COL22A1: variants seen among roughly 807,000 people sequenced by gnomAD.
COL22A1 encodes collagen type XXII alpha 1 chain, also known as collagen alpha-1(XXII) chain.
A neutral mutation model predicts 248.9 loss-of-function variants in COL22A1; 221 were observed. The observed-to-expected ratio is 0.89, with a 90% confidence interval of 0.80 to 0.99. The LOEUF is 0.99. COL22A1 is among the 50% of genes least tolerant of loss of function. The pLI, the probability that COL22A1 is intolerant of heterozygous loss-of-function variation, is 0.00. For missense variants in COL22A1, 2,240 were observed against 2,179.0 expected (o/e 1.03, Z -0.56); for synonymous variants, 891 against 793.4 (o/e 1.12, Z -2.07).
intron 42 of COL22A1, among the ~76,000 whole-genome samples, chr8:138,663,215 G>A (rs558982761): frequency 8.5e-5 from 13 of 152,172 alleles, no homozygotes; most frequent in Non-Finnish European, 1.6e-4. Context: ...ATGGATGGTT[G>A]CTGCTCCTAA....
Position 138,755,846 on chromosome 8 carries a change from A to AACATT in COL22A1, c.1903-22_1903-18dup. On this transcript the variant is annotated splice_polypyrimidine_tract_variant and intron_variant, in intron 18 of 64. Coordinates refer to ENST00000303045, the MANE Select transcript of COL22A1 (RefSeq NM_152888.3). ...CACGTCACCCTGCACAGAAACGACA[A>AACATT]ACATTTCAGCATAGTTACTGGTGCC... 6.2e-7 allele frequency: 1 copy of AACATT among 1,612,812 alleles called. No individual in the cohort carries two copies. Among genetic ancestry groups the AACATT allele is most frequent in the Non-Finnish European group, 8.5e-7 (1 of 1,178,884 alleles).
chr8:138,764,456 A>G (rs1464975110), intron 16 of COL22A1, among the ~76,000 whole-genome samples: 2 of 152,204 alleles, frequency 1.3e-5, no homozygotes, highest in African/African-American at 4.8e-5. Flanking sequence ...TGAATCACTG[A>G]CGCCTGCCTC....
intron 1 of COL22A1, among the ~76,000 whole-genome samples, chr8:138,894,490 A>G (rs1879046): frequency 0.18 from 27,139 of 152,152 alleles, 2,476 homozygotes; most frequent in Middle Eastern, 0.21. Context: ...CAGGGAGCCA[A>G]TCAGTGAGGG....
intron 3 of COL22A1, among the ~76,000 whole-genome samples, chr8:138,858,027 T>G (rs1822171356): frequency 6.6e-6 from 1 of 152,222 alleles, no homozygotes; most frequent in Admixed American, 6.5e-5. Context: ...TGATCAAACC[T>G]TTGACCCAAG....
intron 4 of COL22A1, among the ~76,000 whole-genome samples, chr8:138,843,403 T>C (rs1459786142): frequency 6.6e-6 from 1 of 152,118 alleles, no homozygotes; most frequent in Non-Finnish European, 1.5e-5. Context: ...CCCAGGGGCA[T>C]TGGCAAGAAG....
intron 12 of COL22A1, among the ~76,000 whole-genome samples, chr8:138,789,549 A>G (rs1815849564): frequency 6.6e-6 from 1 of 152,226 alleles, no homozygotes; most frequent in South Asian, 2.1e-4. Flanking sequence ...ACAAATGTAT[A>G]ATTTATATTT....
At chr8:138,786,869 A>T (rs1815574773) in intron 12 of COL22A1, among the ~76,000 whole-genome samples, 2 of 151,934 alleles carry the variant, frequency 1.3e-5, no homozygotes, top group African/African-American at 2.4e-5. Context: ...ATGCCACTGC[A>T]CTCCAGCCTG....
In COL22A1 at chr8:138,715,700, T is replaced by C. The variant is rs764702446; in HGVS notation, c.2499A>G (p.Lys833=). The change falls in exon 30 of 65, where the codon AAA becomes AAG. Residue 833 remains lysine (K), a synonymous_variant. Transcript: ENST00000303045. The part of the protein sequence containing the change: ...EKGELGLPGL[K]GDRGEKGEAG... ...CTCCTACCTTTTCACCTCGGTCACCTTTCAGTCCTGGAAGTCCCAGTTCAC... is the reference window on the plus strand; with the variant it reads ...CTCCTACCTTTTCACCTCGGTCACCCTTCAGTCCTGGAAGTCCCAGTTCAC... 6 of 1,612,270 alleles carry C rather than the reference T, an allele frequency of 3.7e-6. No homozygotes were observed. Among genetic ancestry groups the C allele is most frequent in the Admixed American group, 1.7e-5 (1 of 59,868 alleles).
chr8:138,753,726 G>A lies in COL22A1; in HGVS notation c.2031+1431C>T, dbSNP rs567631408. ...TTAGTATTTTGCTTGATATAAGGTA[G>A]GTGGTCACAAACGTTTGAGGTTTCT... On this transcript the variant is annotated intron_variant, in intron 21 of 64. Transcript: ENST00000303045. Among the ~76,000 whole-genome samples, 8 of 152,238 alleles carry A rather than the reference G, an allele frequency of 5.3e-5. No individual in the cohort carries two copies. In the South Asian group the frequency reaches 1.7e-3, roughly 32 times the overall value.
chr8:138,763,158 G>A (rs979631032), intron 16 of COL22A1, among the ~76,000 whole-genome samples: 8 of 152,236 alleles, frequency 5.3e-5, no homozygotes, highest in South Asian at 2.1e-4. Context: ...GGGCTGAGGC[G>A]GGTGAATCAC....
At chr8:138,769,398 C>A (rs139912973) in intron 16 of COL22A1, among the ~76,000 whole-genome samples, 1 of 152,356 alleles carries the variant, frequency 6.6e-6, no homozygotes, top group East Asian at 1.9e-4. Flanking sequence ...ACAAAGGAAT[C>A]CATGCCCTCA....
At chr8:138,727,943 C>T (rs1830444859) in intron 23 of COL22A1, among the ~76,000 whole-genome samples, 1 of 152,146 alleles carries the variant, frequency 6.6e-6, no homozygotes, top group African/African-American at 2.4e-5. Context: ...CCAGCTTGGC[C>T]CCTCACTTCT....
At chr8:138,908,855 G>C (rs1815219822) in intron 1 of COL22A1, among the ~76,000 whole-genome samples, 1 of 152,218 alleles carries the variant, frequency 6.6e-6, no homozygotes, top group Admixed American at 6.5e-5. Flanking sequence ...GGCAGAGAGA[G>C]TGCTTTCATT....
rs112928940 is a variant in COL22A1 at position 138,710,950 on chromosome 8, A to G, written c.2517+4732T>C. Among the ~76,000 whole-genome samples, 1,029 of 152,308 alleles carry G rather than the reference A, an allele frequency of 6.8e-3. 11 individuals are homozygous for G. The highest frequency in any genetic ancestry group is 0.024 in the African/African-American group (988 of 41,574). Reference sequence around the variant, plus strand: ...TTCCCAGTTGAATATATGAATGGGTATCAATGAGAAGAGGGCTGGAGGAGA... The same window carrying G: ...TTCCCAGTTGAATATATGAATGGGTGTCAATGAGAAGAGGGCTGGAGGAGA... On this transcript the variant is annotated intron_variant, in intron 30 of 64. Transcript: ENST00000303045.
In COL22A1 at chr8:138,735,148, C is replaced by T. The variant is rs373453851; in HGVS notation, c.2139+2376G>A. ...TGCATACCTACGTAACAAACCTGCACGTTCTGCACATGCATCCCAGAACTT... is the reference window on the plus strand; with the variant it reads ...TGCATACCTACGTAACAAACCTGCATGTTCTGCACATGCATCCCAGAACTT... On this transcript the variant is annotated intron_variant, in intron 23 of 64. Transcript: ENST00000303045. Among the ~76,000 whole-genome samples, 23 of 152,234 alleles carry T rather than the reference C, an allele frequency of 1.5e-4. 1 individual carries two copies. The highest frequency in any genetic ancestry group is 8.3e-4 in the South Asian group (4 of 4,814).
intron 62 of COL22A1, among the ~76,000 whole-genome samples, chr8:138,594,470 C>A (rs1817359236): frequency 6.6e-6 from 1 of 152,172 alleles, no homozygotes; most frequent in Non-Finnish European, 1.5e-5. Flanking sequence ...TCAGTAGTGA[C>A]CATCGCTGCC....
intron 10 of COL22A1, among the ~76,000 whole-genome samples, chr8:138,806,115 A>AT (rs1817674980): frequency 1.8e-5 from 1 of 54,842 alleles, no homozygotes; most frequent in African/African-American, 8.6e-5. Context: ...TTTGTGTGTG[A>AT]TGGTGTAGGT....
At chr8:138,708,968 A>AG (rs762358418) in intron 30 of COL22A1, among the ~76,000 whole-genome samples, 4 of 152,102 alleles carry the variant, frequency 2.6e-5, no homozygotes, top group Non-Finnish European at 4.4e-5. Flanking sequence ...CCCATCAAAA[A>AG]TGGGCAAAGG....
chr8:138,658,419 C>T (rs1276316456), intron 44 of COL22A1, among the ~76,000 whole-genome samples: 1 of 152,152 alleles, frequency 6.6e-6, no homozygotes, highest in Admixed American at 6.5e-5. Context: ...GTCTGACCTC[C>T]AGAGAGGATG....
Sources: gnomAD v4.1 joint callset for allele counts (sites outside exome capture counted in the v4.1 genomes callset) on GRCh38, gnomAD v4.1.1 for gene constraint, MANE v1.5 for transcripts, NCBI Gene and HGNC (gene_info 2026-07-23, HGNC 2026-07-21) for gene names.